Variants in ERC2 observed in about 807,000 individuals in gnomAD.
ERC2 encodes ELKS/RAB6-interacting/CAST family member 2, also known as ERC protein 2.
In ERC2, 42 loss-of-function variants were observed where a neutral mutation model predicts 114.8. The ratio of observed to expected loss-of-function variants is 0.37; its 90% CI spans 0.29 to 0.47. The LOEUF is 0.47. Among genes scored for constraint, ERC2 ranks in the 20% least tolerant of loss-of-function variants. ERC2 has a pLI of 0.99. For missense variants in ERC2, 939 were observed against 1,150.7 expected, an observed-to-expected ratio of 0.82 and a Z score of 2.66; for synonymous variants, 454 against 425.5, an observed-to-expected ratio of 1.07 and a Z score of -0.82.
intron 14 of ERC2, among the ~76,000 whole-genome samples, chr3:55,801,382 A>G (rs1049791179): frequency 2.6e-5 from 4 of 152,180 alleles, no homozygotes; most frequent in African/African-American, 9.7e-5. Context: ...GTAACCAGGG[A>G]GAAAGAGGTC....
At chr3:55,958,630 C>T (rs1311884464) in intron 12 of ERC2, among the ~76,000 whole-genome samples, 1 of 152,224 alleles carries the variant, frequency 6.6e-6, no homozygotes, top group Non-Finnish European at 1.5e-5. Context: ...CTCAGCACCC[C>T]TGGCCTCCCA....
chr3:55,887,149 C>A (rs2063385269), intron 14 of ERC2, among the ~76,000 whole-genome samples: 1 of 152,160 alleles, frequency 6.6e-6, no homozygotes, highest in Non-Finnish European at 1.5e-5. Context: ...TGGCCTTAAG[C>A]AAATTATGAA....
intron 11 of ERC2, 63 bp downstream of exon 11, chr3:55,991,994 G>C (rs1180844916): frequency 6.8e-7 from 1 of 1,463,120 alleles, no homozygotes; most frequent in African/African-American, 1.4e-5. Flanking sequence ...CACAACCGGA[G>C]ATGGGCAACC....
chr3:55,955,440 A>G (rs1475519789), intron 12 of ERC2, among the ~76,000 whole-genome samples: 2 of 152,120 alleles, frequency 1.3e-5, no homozygotes, highest in East Asian at 3.8e-4. Context: ...ATCTTTATTT[A>G]TATGGATTTC....
chr3:56,110,464 A>C (rs190385920), intron 6 of ERC2, among the ~76,000 whole-genome samples: 8 of 152,312 alleles, frequency 5.3e-5, no homozygotes, highest in African/African-American at 1.9e-4. Flanking sequence ...GAGGCTTATA[A>C]CTACATGGGC....
chr3:55,710,113 C>T (rs1414282977), intron 15 of ERC2, among the ~76,000 whole-genome samples: 1 of 152,110 alleles, frequency 6.6e-6, no homozygotes, highest in Non-Finnish European at 1.5e-5. Flanking sequence ...TGGATCACAA[C>T]ACCTTTACTA....
intron 5 of ERC2, among the ~76,000 whole-genome samples, chr3:56,140,826 C>T (rs564052163): frequency 6.6e-6 from 1 of 152,196 alleles, no homozygotes; most frequent in South Asian, 2.1e-4. Context: ...GAGTTCGAGA[C>T]CAGCCTGGCC....
intron 5 of ERC2, among the ~76,000 whole-genome samples, chr3:56,148,444 C>T (rs1436958185): frequency 1.3e-5 from 2 of 152,088 alleles, no homozygotes; most frequent in Admixed American, 1.3e-4. Flanking sequence ...TGTCACCATG[C>T]CTGGCTAATT....
intron 3 of ERC2, among the ~76,000 whole-genome samples, chr3:56,176,348 TAGGTAAAGGC>T (rs1269128960): frequency 6.6e-6 from 1 of 152,016 alleles, no homozygotes; most frequent in Non-Finnish European, 1.5e-5. Context: ...ATAAAAACCA[TAGGTAAAGGC>T]AGGTGCTGTT....
intron 14 of ERC2, among the ~76,000 whole-genome samples, chr3:55,796,365 T>G (rs1406655590): frequency 6.6e-6 from 1 of 152,014 alleles, no homozygotes; most frequent in Non-Finnish European, 1.5e-5. Context: ...TGATCCAGAG[T>G]TTAGAACAGA....
chr3:56,225,211 G>A (rs1470253999), intron 3 of ERC2, among the ~76,000 whole-genome samples: 1 of 151,940 alleles, frequency 6.6e-6, no homozygotes, highest in East Asian at 1.9e-4. Context: ...AAGGATCCCT[G>A]AAGGTATCAG....
chr3:55,777,581 T>C (rs1462595937), intron 14 of ERC2, among the ~76,000 whole-genome samples: 2 of 152,250 alleles, frequency 1.3e-5, no homozygotes, highest in Non-Finnish European at 2.9e-5. Context: ...AAGCCAAATT[T>C]GTGTGAGTTA....
chr3:55,546,280 C>G (rs975647993), intron 17 of ERC2, among the ~76,000 whole-genome samples: 2 of 152,184 alleles, frequency 1.3e-5, no homozygotes, highest in African/African-American at 4.8e-5. Context: ...CAGGCCTTTG[C>G]CTTCCCTATG....
chr3:55,761,875 CAAAAAAA>C (rs1232333274), intron 14 of ERC2, among the ~76,000 whole-genome samples: 1 of 59,632 alleles, frequency 1.7e-5, no homozygotes, highest in Non-Finnish European at 3.4e-5. Flanking sequence ...GACTCCGTCT[CAAAAAAA>C]AAAAAAAAAA....
chr3:56,453,638 T>C (rs560740749), intron 1 of ERC2, among the ~76,000 whole-genome samples: 96 of 152,372 alleles, frequency 6.3e-4, no homozygotes, highest in Non-Finnish European at 1.1e-3. Flanking sequence ...TCCAGATAGA[T>C]GCAAATCATT....
intron 3 of ERC2, among the ~76,000 whole-genome samples, chr3:56,263,446 C>A (rs1377239741): frequency 6.6e-6 from 1 of 152,014 alleles, no homozygotes; most frequent in Non-Finnish European, 1.5e-5. Context: ...CATCTGTCAT[C>A]TGCCCTATAG....
intron 12 of ERC2, among the ~76,000 whole-genome samples, chr3:55,978,304 T>TATAAAGTTTACA (rs1460963192): frequency 1.3e-5 from 2 of 152,154 alleles, no homozygotes; most frequent in African/African-American, 4.8e-5. Context: ...GTTTACATAT[T>TATAAAGTTTACA]TATATATAAA....
intron 12 of ERC2, among the ~76,000 whole-genome samples, chr3:55,975,766 T>C (rs1041350288): frequency 1.3e-5 from 2 of 152,210 alleles, no homozygotes; most frequent in Admixed American, 1.3e-4. Flanking sequence ...TCTGCCCTTC[T>C]TCTCCCTACC....
At chr3:56,118,335 C>T (rs1223797341) in intron 6 of ERC2, among the ~76,000 whole-genome samples, 1 of 152,198 alleles carries the variant, frequency 6.6e-6, no homozygotes, top group Non-Finnish European at 1.5e-5. Flanking sequence ...ACACGCAAAT[C>T]TCCTAGCACA....
Sources: allele counts gnomAD v4.1 joint callset (sites outside exome capture counted in the v4.1 genomes callset), GRCh38; gene constraint gnomAD v4.1.1; transcripts MANE v1.5; gene names NCBI Gene and HGNC (gene_info 2026-07-23, HGNC 2026-07-21).